Variants in MICAL3 observed in about 807,000 individuals in gnomAD.
The protein encoded by MICAL3 is microtubule associated monooxygenase, calponin and LIM domain containing 3.
A neutral mutation model predicts 207.4 loss-of-function variants in MICAL3; 62 were observed. The ratio of observed to expected loss-of-function variants is 0.30; its 90% CI spans 0.24 to 0.37. MICAL3 has a LOEUF of 0.37. Among genes scored for constraint, MICAL3 ranks in the 10% least tolerant of loss-of-function variants. MICAL3 has a pLI of 1.00. For missense variants in MICAL3, 2,368 were observed against 2,635.6 expected (o/e 0.90, Z 2.22); for synonymous variants, 1,077 against 1,069.3 (o/e 1.01, Z -0.14).
chr22:17,859,381 G>A (rs1926268584), intron 19 of MICAL3, among the ~76,000 whole-genome samples: 1 of 152,210 alleles, frequency 6.6e-6, no homozygotes, highest in African/African-American at 2.4e-5. Context: ...TGAGTGCTTT[G>A]CCCACTACAG....
intron 1 of MICAL3, among the ~76,000 whole-genome samples, chr22:18,024,075 C>A (rs985422439): frequency 2.0e-5 from 3 of 152,190 alleles, no homozygotes; most frequent in African/African-American, 7.2e-5. Context: ...GATCGAGACA[C>A]GGATACTGGG....
intron 29 of MICAL3, among the ~76,000 whole-genome samples, chr22:17,805,645 AT>A (rs372342328): frequency 4.3e-4 from 65 of 152,392 alleles, no homozygotes; most frequent in African/African-American, 1.4e-3. Context: ...TTCCAAAGGC[AT>A]TCCAAGGGGT....
chr22:17,845,947 T>TAATG (rs1403004049), intron 19 of MICAL3, among the ~76,000 whole-genome samples: 8 of 152,168 alleles, frequency 5.3e-5, no homozygotes, highest in Non-Finnish European at 1.0e-4. Flanking sequence ...TCCCGCAGAC[T>TAATG]AATGGGTTGT....
intron 16 of MICAL3, chr22:17,876,710 T>TAGGGAGGTG (rs1420536642): frequency 6.7e-6 from 1 of 149,454 alleles, no homozygotes; most frequent in East Asian, 2.0e-4. Flanking sequence ...TTATGGAGGT[T>TAGGGAGGTG]AGGGAGGTTA....
At position 17,831,917 on chromosome 22, in the gene MICAL3, C is replaced by T. The variant is rs1162456150; in HGVS notation, c.2992G>A (p.Glu998Lys). ...TCCTCCTCCTCTTCATATTCTTCCT[C>T]CTCCTCCTCCTCCTCTTCATTCCCA... ...GPGNEEEEEEEEEYEEEEEED... is the reference protein window; with the variant it reads ...GPGNEEEEEEKEEYEEEEEED... The change falls in exon 21 of 32, where the codon GAG (glutamate) becomes AAG (lysine). Residue 998 changes from glutamate (E) to lysine (K), a missense_variant. Physicochemically the swap from Glu to Lys is moderately conservative, Grantham distance 56 (BLOSUM62 1). This residue lies in a region of MICAL3 where 1,770 missense variants were observed against 1,863.2 expected (regional missense o/e 0.95). Coordinates refer to ENST00000441493, the MANE Select transcript of MICAL3 (RefSeq NM_015241.3). The T allele has an allele frequency of 6.4e-7, 1 of 1,560,938 alleles. No individual in the cohort carries two copies. The highest frequency in any genetic ancestry group is 8.7e-7 in the Non-Finnish European group (1 of 1,152,132).
intron 9 of MICAL3, among the ~76,000 whole-genome samples, chr22:17,895,692 T>C (rs1930768003): frequency 6.7e-6 from 1 of 150,082 alleles, no homozygotes; most frequent in Admixed American, 6.7e-5. Flanking sequence ...CATTTACTCT[T>C]TTATTTTTTC....
intron 1 of MICAL3, among the ~76,000 whole-genome samples, chr22:17,931,413 G>T (rs545461650): frequency 2.0e-5 from 3 of 152,312 alleles, no homozygotes; most frequent in African/African-American, 7.2e-5. Context: ...ACATACTAAG[G>T]AAGAACCACA....
intron 1 of MICAL3, among the ~76,000 whole-genome samples, chr22:17,913,399 C>T (rs1301295846): frequency 2.0e-5 from 3 of 152,176 alleles, no homozygotes; most frequent in African/African-American, 7.2e-5. Flanking sequence ...AAGCACTAGC[C>T]TGGCCTGCGT....
At chr22:17,979,896 T>C (rs1363417754) in intron 1 of MICAL3, among the ~76,000 whole-genome samples, 3 of 152,170 alleles carry the variant, frequency 2.0e-5, no homozygotes, top group Non-Finnish European at 4.4e-5. Context: ...AGCACAATCA[T>C]GGTTCACTAC....
intron 19 of MICAL3, among the ~76,000 whole-genome samples, chr22:17,842,686 C>T (rs1006047817): frequency 6.6e-6 from 1 of 152,272 alleles, no homozygotes; most frequent in African/African-American, 2.4e-5. Context: ...TGCACAGGCA[C>T]ACTTCCCCAT....
At chr22:17,895,092 C>G (rs1930714929) in intron 10 of MICAL3, among the ~76,000 whole-genome samples, 192 bp downstream of exon 10, 1 of 152,230 alleles carries the variant, frequency 6.6e-6, no homozygotes, top group Admixed American at 6.5e-5. Flanking sequence ...TTTAACAACT[C>G]TATGCCTTAG....
At chr22:17,857,390 T>C (rs1218062946) in intron 19 of MICAL3, among the ~76,000 whole-genome samples, 1 of 152,142 alleles carries the variant, frequency 6.6e-6, no homozygotes, top group Non-Finnish European at 1.5e-5. Flanking sequence ...TGATCTGAGG[T>C]GGAAGAGTTT....
At chr22:17,949,507 C>G (rs1008399411) in intron 1 of MICAL3, among the ~76,000 whole-genome samples, 2 of 152,194 alleles carry the variant, frequency 1.3e-5, no homozygotes, top group African/African-American at 4.8e-5. Context: ...ACCTGTGCCC[C>G]TCCCCAAACG....
chr22:17,998,397 T>C (rs1203120812), intron 1 of MICAL3, among the ~76,000 whole-genome samples: 1 of 152,130 alleles, frequency 6.6e-6, no homozygotes, highest in African/African-American at 2.4e-5. Flanking sequence ...CTCCATTTCT[T>C]TGCCTATAAA....
At chr22:18,021,690 G>A (rs955267343) in intron 1 of MICAL3, among the ~76,000 whole-genome samples, 2 of 152,192 alleles carry the variant, frequency 1.3e-5, no homozygotes, top group Admixed American at 1.3e-4. Context: ...GCAGAAAGGA[G>A]CATGCAGAGA....
At chr22:18,014,093 G>A (rs5747444) in intron 1 of MICAL3, among the ~76,000 whole-genome samples, 101,663 of 151,674 alleles carry the variant, frequency 0.67, 35,281 homozygotes, top group African/African-American at 0.86. Context: ...CATCATGCCC[G>A]ACCTCTCTCT....
intron 3 of MICAL3, among the ~76,000 whole-genome samples, chr22:17,904,172 C>A (rs1018917132): frequency 6.6e-6 from 1 of 152,256 alleles, no homozygotes; most frequent in Non-Finnish European, 1.5e-5. Flanking sequence ...TGGCTCCCCC[C>A]AGGACTGTGT....
At chr22:17,894,900 T>C (rs1309378358) in intron 10 of MICAL3, among the ~76,000 whole-genome samples, 1 of 152,062 alleles carries the variant, frequency 6.6e-6, no homozygotes, top group Admixed American at 6.6e-5. Context: ...ATTATTCCCA[T>C]TTTTCAGGTA....
intron 21 of MICAL3, among the ~76,000 whole-genome samples, 200 bp from the exon 22 acceptor site, chr22:17,827,981 A>G (rs1466140500): frequency 6.6e-6 from 1 of 152,204 alleles, no homozygotes; most frequent in East Asian, 1.9e-4. Flanking sequence ...ACACACACGC[A>G]CAGTCCTTCT....
Sources: allele counts gnomAD v4.1 joint callset (sites outside exome capture counted in the v4.1 genomes callset), GRCh38; gene constraint gnomAD v4.1.1; regional missense constraint gnomAD v4.1.1; transcripts MANE v1.5; gene names NCBI Gene and HGNC (gene_info 2026-07-23, HGNC 2026-07-21).